The following CLXN variants were observed in gnomAD, a reference collection of about 807,000 sequenced individuals.
CLXN encodes the protein EF-hand calcium binding domain 1.
the CLXN span, chr8:48,728,938 C>T: frequency 1.4e-6 from 1 of 708,928 alleles, no homozygotes; most frequent in African/African-American, 1.8e-5. Flanking sequence ...GGTATTCTTT[C>T]TTGGTGGACA....
At chr8:48,711,758 G>A in the CLXN span, 3 of 152,164 alleles carry the variant, frequency 2.0e-5, no homozygotes, top group African/African-American at 7.2e-5. Context: ...TTAGACAAAG[G>A]TCTTCAGCAT....
the CLXN span, among the ~76,000 whole-genome samples, chr8:48,731,097 G>A: frequency 3.9e-5 from 6 of 152,164 alleles, no homozygotes; most frequent in East Asian, 1.9e-4. Flanking sequence ...AGTGGAAATC[G>A]AAATGTTTTA....
the CLXN span, chr8:48,711,223 ATCTTCT>A: frequency 6.6e-6 from 1 of 152,106 alleles, no homozygotes; most frequent in African/African-American, 2.4e-5. Flanking sequence ...TATCATTGGC[ATCTTCT>A]TCTTCTCTAG....
chr8:48,713,021 A>G, the CLXN span, among the ~76,000 whole-genome samples: 2 of 151,826 alleles, frequency 1.3e-5, no homozygotes, highest in Non-Finnish European at 2.9e-5. Context: ...AAAGAAAAAG[A>G]AAAAAACTGA....
the CLXN span, among the ~76,000 whole-genome samples, chr8:48,719,636 TACAAC>T: frequency 5.9e-5 from 9 of 152,300 alleles, no homozygotes; most frequent in East Asian, 1.7e-3. Context: ...ATTAATGTGA[TACAAC>T]ACAATAACAA....
the CLXN span, chr8:48,712,065 T>G: frequency 1.3e-5 from 2 of 152,246 alleles, no homozygotes; most frequent in Admixed American, 1.3e-4. Context: ...AAAGGATTCA[T>G]GAAGGAAGAC....
the CLXN span, chr8:48,729,911 A>T: frequency 4.5e-6 from 7 of 1,570,904 alleles, no homozygotes; most frequent in South Asian, 8.1e-5. Context: ...TGATGCTATC[A>T]GTAAGGTAAT....
At chr8:48,729,650 T>G in the CLXN span, 1 of 1,369,304 alleles carries the variant, frequency 7.3e-7, no homozygotes. Context: ...TATAATAATT[T>G]GAATTCTTAT....
the CLXN span, among the ~76,000 whole-genome samples, chr8:48,732,892 T>G: frequency 2.6e-5 from 4 of 152,276 alleles, no homozygotes; most frequent in South Asian, 6.2e-4. Flanking sequence ...TATAAGGTAC[T>G]TAGTCAGATT....
At chr8:48,726,901 C>CTATCTATCTATT in the CLXN span, among the ~76,000 whole-genome samples, 6 of 149,672 alleles carry the variant, frequency 4.0e-5, no homozygotes, top group Non-Finnish European at 7.4e-5. Flanking sequence ...ATCTATCTAT[C>CTATCTATCTATT]TATCCACCCA....
the CLXN span, among the ~76,000 whole-genome samples, chr8:48,726,149 TCCA>T: frequency 2.2e-4 from 27 of 123,412 alleles, no homozygotes; most frequent in Non-Finnish European, 8.5e-5. Flanking sequence ...CATCCATCCA[TCCA>T]TCCACCCACC....
chr8:48,730,638 C>T, the CLXN span: 23 of 1,603,580 alleles, frequency 1.4e-5, no homozygotes, highest in African/African-American at 5.4e-5. Flanking sequence ...ATCAAAACCT[C>T]GGAATACTAA....
At chr8:48,716,628 C>A in the CLXN span, 1 of 152,008 alleles carries the variant, frequency 6.6e-6, no homozygotes, top group Non-Finnish European at 1.5e-5. Flanking sequence ...ATTAAAAAAC[C>A]CAGAATTTCT....
At chr8:48,720,536 A>G in the CLXN span, among the ~76,000 whole-genome samples, 1 of 152,102 alleles carries the variant, frequency 6.6e-6, no homozygotes, top group African/African-American at 2.4e-5. Flanking sequence ...GCCCTGGTTA[A>G]TTTGTGGTCA....
the CLXN span, among the ~76,000 whole-genome samples, chr8:48,717,443 A>G: frequency 6.6e-6 from 1 of 152,230 alleles, no homozygotes; most frequent in South Asian, 2.1e-4. Flanking sequence ...CTGCAAAATT[A>G]TACTTTAAAA....
At chr8:48,735,011 G>T in the CLXN span, 1 of 1,505,566 alleles carries the variant, frequency 6.6e-7, no homozygotes, top group East Asian at 2.3e-5. Flanking sequence ...CGGGAAGCAG[G>T]CACAACAGCG....
chr8:48,718,929 A>C, the CLXN span, among the ~76,000 whole-genome samples: 1 of 152,094 alleles, frequency 6.6e-6, no homozygotes, highest in Non-Finnish European at 1.5e-5. Context: ...CAAAGTTAGC[A>C]GAACGAAAGA....
the CLXN span, chr8:48,724,700 C>T: frequency 6.6e-7 from 1 of 1,505,838 alleles, no homozygotes; most frequent in Middle Eastern, 1.9e-4. Flanking sequence ...ATGTGTGTGC[C>T]TCCTTTTTTA....
the CLXN span, among the ~76,000 whole-genome samples, chr8:48,731,115 T>G: frequency 7.2e-4 from 109 of 152,196 alleles, no homozygotes; most frequent in Non-Finnish European, 1.6e-4. Context: ...TTAGGTTTTC[T>G]GATATAAGGT....
Sources: gnomAD v4.1 joint callset for allele counts (sites outside exome capture counted in the v4.1 genomes callset) on GRCh38, gnomAD v4.1.1 for gene constraint, MANE v1.5 for transcripts, NCBI Gene and HGNC (gene_info 2026-07-23, HGNC 2026-07-21) for gene names.